Variants in FARS2 observed in about 807,000 individuals in gnomAD.
FARS2 encodes phenylalanyl-tRNA synthetase 2, mitochondrial.
Under a neutral mutation model 46.4 loss-of-function variants are expected in FARS2, and 40 were observed. The observed-to-expected ratio is 0.86, with a 90% CI of 0.67 to 1.12. FARS2 has a LOEUF of 1.12. Among genes scored for constraint, FARS2 ranks in the 50% most tolerant of loss-of-function variants. The pLI, the probability that FARS2 is intolerant of heterozygous loss-of-function variation, is 0.00. For missense variants in FARS2, 513 were observed against 567.9 expected (o/e 0.90, Z 0.98); for synonymous variants, 234 against 214.9 (o/e 1.09, Z -0.78).
intron 3 of FARS2, among the ~76,000 whole-genome samples, chr6:5,409,409 C>T (rs778570326): frequency 7.9e-5 from 12 of 151,362 alleles, no homozygotes; most frequent in Non-Finnish European, 1.3e-4. Context: ...CAAGATTGCA[C>T]CACCGTACTC....
chr6:5,456,284 G>A (rs546742837), intron 4 of FARS2, among the ~76,000 whole-genome samples: 2 of 152,232 alleles, frequency 1.3e-5, no homozygotes, highest in East Asian at 3.9e-4. Flanking sequence ...TACTCTCCCA[G>A]GTGCTTGAGA....
At chr6:5,539,229 AG>A (rs1378988203) in intron 4 of FARS2, among the ~76,000 whole-genome samples, 2 of 150,060 alleles carry the variant, frequency 1.3e-5, no homozygotes, top group Non-Finnish European at 3.0e-5. Flanking sequence ...TTTTTGAGAC[AG>A]GAGTCTCGCT....
intron 1 of FARS2, among the ~76,000 whole-genome samples, chr6:5,341,225 ATATATATATATTTTTTTTT>A (rs1276266068): frequency 2.1e-4 from 1 of 4,878 alleles, no homozygotes; most frequent in African/African-American, 9.4e-4. Context: ...ATATATATAT[ATATATATATATTTTTTTTT>A]TTTTTTTTTT....
rs116318150 is a variant in FARS2 at position 5,761,426 on chromosome 6, A to C, written c.1218-9865A>C. 1.0e-3 allele frequency among the ~76,000 whole-genome samples: 159 copies of C among 152,342 alleles called. 1 individual carries two copies. Among genetic ancestry groups the C allele is most frequent in the African/African-American group, 3.7e-3 (153 of 41,582 alleles). Reference sequence around the variant, plus strand: ...TCGTATACCTGTTTGTGTCTCCTGCAATGTCCACCTCAGCACAGAACAAAT... The same window carrying C: ...TCGTATACCTGTTTGTGTCTCCTGCCATGTCCACCTCAGCACAGAACAAAT... On this transcript the variant is annotated intron_variant, in intron 6 of 6. Coordinates refer to ENST00000274680, the MANE Select transcript of FARS2 (RefSeq NM_006567.5).
chr6:5,286,160 T>C (rs1242696860), intron 1 of FARS2, among the ~76,000 whole-genome samples: 3 of 152,224 alleles, frequency 2.0e-5, no homozygotes, highest in African/African-American at 7.2e-5. Context: ...GGATTGATTG[T>C]TGTCAGTGGG....
chr6:5,653,451 T>G (rs1441195749), intron 6 of FARS2, among the ~76,000 whole-genome samples: 1 of 152,172 alleles, frequency 6.6e-6, no homozygotes, highest in Non-Finnish European at 1.5e-5. Flanking sequence ...ATGGAAGGCG[T>G]TGGACCAGCT....
chr6:5,532,012 GTGTGTA>G, intron 4 of FARS2, among the ~76,000 whole-genome samples: 1 of 152,208 alleles, frequency 6.6e-6, no homozygotes, highest in Non-Finnish European at 1.5e-5. Flanking sequence ...CAGTAGGTTT[GTGTGTA>G]TATTACAGTC....
intron 4 of FARS2, among the ~76,000 whole-genome samples, chr6:5,464,787 TAAAGAAAG>T (rs201059046): frequency 1.3e-5 from 2 of 151,936 alleles, no homozygotes; most frequent in African/African-American, 4.8e-5. Flanking sequence ...CTTACAGGGT[TAAAGAAAG>T]AAAGAAAGAA....
intron 1 of FARS2, among the ~76,000 whole-genome samples, chr6:5,341,217 ATATATATATATATATATATTTTTT>A (rs1237352964): frequency 0.037 from 219 of 5,988 alleles, 12 homozygotes; most frequent in East Asian, 0.16. Context: ...ATATATATAT[ATATATATATATATATATATTTTTT>A]TTTTTTTTTT....
At position 5,353,865 on chromosome 6, in the gene FARS2, G is replaced by T. The variant is rs141487699; in HGVS notation, c.-21-14685G>T. 2.9e-3 allele frequency among the ~76,000 whole-genome samples: 429 copies of T among 149,322 alleles called. 4 individuals carry two copies. The highest frequency in any genetic ancestry group is 0.01 in the African/African-American group (414 of 40,686). Reference sequence around the variant, plus strand: ...TATTCCAGAGAGCTGTCCTTTCTCAGGTGTGATAGTGACTGTGGCAGAACC... The same window carrying T: ...TATTCCAGAGAGCTGTCCTTTCTCATGTGTGATAGTGACTGTGGCAGAACC... On this transcript the variant is annotated intron_variant, in intron 1 of 6. Coordinates refer to ENST00000274680, the MANE Select transcript of FARS2 (RefSeq NM_006567.5).
At chr6:5,252,091 T>A in the FARS2 span, among the ~76,000 whole-genome samples, 1 of 152,216 alleles carries the variant, frequency 6.6e-6, no homozygotes, top group East Asian at 1.9e-4. Flanking sequence ...CTTAGGTTGA[T>A]CAGGACTTAG....
chr6:5,699,498 G>A (rs1421301439), intron 6 of FARS2, among the ~76,000 whole-genome samples: 1 of 151,702 alleles, frequency 6.6e-6, no homozygotes, highest in African/African-American at 2.4e-5. Context: ...GATCTTAACA[G>A]GATCACAGGA....
chr6:5,685,999 C>T (rs1169220843), intron 6 of FARS2, among the ~76,000 whole-genome samples: 9 of 152,174 alleles, frequency 5.9e-5, no homozygotes, highest in East Asian at 1.9e-4. Flanking sequence ...AGGATTCCCA[C>T]GTGAAGGGTG....
intron 5 of FARS2, among the ~76,000 whole-genome samples, chr6:5,601,694 G>A (rs570497952): frequency 6.0e-4 from 91 of 152,180 alleles, no homozygotes; most frequent in African/African-American, 2.0e-3. Flanking sequence ...CAGTGTCCTC[G>A]TGGACACATG....
chr6:5,645,637 G>A (rs1002365770), intron 6 of FARS2, among the ~76,000 whole-genome samples: 1 of 152,234 alleles, frequency 6.6e-6, no homozygotes, highest in Non-Finnish European at 1.5e-5. Flanking sequence ...GCTGGTGCAT[G>A]TGGAGGCTGT....
intron 6 of FARS2, among the ~76,000 whole-genome samples, chr6:5,690,196 C>A (rs1283496316): frequency 6.6e-6 from 1 of 152,108 alleles, no homozygotes; most frequent in Admixed American, 6.5e-5. Flanking sequence ...AGTCCATTTA[C>A]ATTTAAGGTT....
chr6:5,253,516 T>C, the FARS2 span, among the ~76,000 whole-genome samples: 11 of 152,200 alleles, frequency 7.2e-5, no homozygotes, highest in Non-Finnish European at 1.6e-4. Flanking sequence ...GCAATTTTCT[T>C]ATTTGAGCTC....
chr6:5,419,411 GA>G (rs1762418356), intron 3 of FARS2, among the ~76,000 whole-genome samples: 1 of 152,162 alleles, frequency 6.6e-6, no homozygotes, highest in African/African-American at 2.4e-5. Context: ...CTTAGCATTA[GA>G]TTTGTCCATA....
At chr6:5,444,952 G>T (rs1764099023) in intron 4 of FARS2, among the ~76,000 whole-genome samples, 1 of 152,198 alleles carries the variant, frequency 6.6e-6, no homozygotes, top group Non-Finnish European at 1.5e-5. Context: ...GAGATCTTGG[G>T]CAAGTCCTGT....
Sources: gnomAD v4.1 joint callset for allele counts (sites outside exome capture counted in the v4.1 genomes callset) on GRCh38, gnomAD v4.1.1 for gene constraint, MANE v1.5 for transcripts, NCBI Gene and HGNC (gene_info 2026-07-23, HGNC 2026-07-21) for gene names.